Variants in ERBB4 observed in about 807,000 individuals in gnomAD.
ERBB4 encodes erb-b2 receptor tyrosine kinase 4.
In ERBB4, 42 loss-of-function variants were observed where a neutral mutation model predicts 158.0. That is an observed-to-expected ratio of 0.27 (90% confidence interval 0.21 to 0.34). The LOEUF is 0.34. ERBB4 is among the 10% of genes least tolerant of loss of function. The probability of loss-of-function intolerance (pLI) is 1.00; values close to 1 mark genes in which losing one functional copy is unlikely to be tolerated. For synonymous variants in ERBB4, 583 were observed against 558.7 expected (o/e 1.04, Z -0.61); for missense variants, 1,333 against 1,624.1 (o/e 0.82, Z 3.08).
chr2:211,564,273 A>T (rs2067487530), intron 19 of ERBB4, among the ~76,000 whole-genome samples: 1 of 152,158 alleles, frequency 6.6e-6, no homozygotes, highest in Non-Finnish European at 1.5e-5. Context: ...TAGTATTACA[A>T]ACCTCCCTAA....
intron 7 of ERBB4, among the ~76,000 whole-genome samples, chr2:211,721,754 C>A (rs1165220856): frequency 6.6e-6 from 1 of 151,624 alleles, no homozygotes; most frequent in Non-Finnish European, 1.5e-5. Flanking sequence ...TTATTAGAAG[C>A]AGATCCTATT....
At chr2:212,332,457 GC>G (rs2088223584) in intron 1 of ERBB4, among the ~76,000 whole-genome samples, 1 of 151,990 alleles carries the variant, frequency 6.6e-6, no homozygotes, top group Admixed American at 6.6e-5. Flanking sequence ...TCTGAAAAAT[GC>G]CTCTATAAGC....
At chr2:212,149,552 C>T (rs1024283993) in intron 1 of ERBB4, among the ~76,000 whole-genome samples, 21 of 152,024 alleles carry the variant, frequency 1.4e-4, no homozygotes, top group East Asian at 3.9e-4. Context: ...ATAGAAACAG[C>T]GGCACAGTAG....
In ERBB4 at chr2:211,387,968, G is replaced by A. The variant is rs1323888787; in HGVS notation, c.3160C>T (p.Pro1054Ser). 6.2e-7 allele frequency: 1 copy of A among 1,609,366 alleles called. No individual in the cohort carries two copies. The highest frequency in any genetic ancestry group is 8.5e-7 in the Non-Finnish European group (1 of 1,175,788). Residue 1054 changes from proline (P) to serine (S), a missense_variant, in exon 26 of 28, where the codon CCT becomes TCT. By Grantham distance (74) the Pro-to-Ser change is moderately conservative. This residue lies in a region of ERBB4 where 252 missense variants were observed against 241.3 expected (regional missense o/e 1.04). Coordinates refer to ENST00000342788, the MANE Select transcript of ERBB4 (RefSeq NM_005235.3). ...ACTCCTGACATGGGGGTGTAGGCAG[G>A]AGGAGGGCTGTGTCCAATTTCACTC... ...NRSEIGHSPP[P>S]AYTPMSGNQF... is the part of the protein sequence containing the mutation.
intron 2 of ERBB4, among the ~76,000 whole-genome samples, chr2:212,054,824 T>A (rs977029639): frequency 6.6e-6 from 1 of 152,014 alleles, no homozygotes; most frequent in Non-Finnish European, 1.5e-5. Flanking sequence ...TATTTTGGAG[T>A]CCAAGATGGC....
At chr2:212,112,246 C>A (rs959058799) in intron 2 of ERBB4, among the ~76,000 whole-genome samples, 2 of 151,998 alleles carry the variant, frequency 1.3e-5, no homozygotes, top group East Asian at 3.9e-4. Context: ...AATCATCCTC[C>A]TTGGTCTCTG....
chr2:212,308,106 T>C (rs920439365), intron 1 of ERBB4, among the ~76,000 whole-genome samples: 2 of 151,118 alleles, frequency 1.3e-5, no homozygotes, highest in African/African-American at 2.4e-5. Context: ...TGAGCTCAGA[T>C]GAGAGTTGTC....
intron 3 of ERBB4, among the ~76,000 whole-genome samples, chr2:211,862,090 A>T (rs1239110736): frequency 6.6e-6 from 1 of 152,218 alleles, no homozygotes; most frequent in Non-Finnish European, 1.5e-5. Flanking sequence ...ATATTTAAAG[A>T]CACAGATAAA....
At chr2:212,009,050 TTTA>T (rs2076320493) in intron 2 of ERBB4, among the ~76,000 whole-genome samples, 3 of 1,102 alleles carry the variant, frequency 2.7e-3, no homozygotes, top group Non-Finnish European at 0.011. Context: ...AAACAGAAAT[TTTA>T]GTTATATGTT....
intron 7 of ERBB4, among the ~76,000 whole-genome samples, chr2:211,719,238 G>C (rs181894217): frequency 6.6e-6 from 1 of 152,098 alleles, no homozygotes; most frequent in Non-Finnish European, 1.5e-5. Context: ...GATTCAGAGC[G>C]ACTTCTGCAA....
At chr2:211,443,678 G>A (rs1006284792) in intron 20 of ERBB4, among the ~76,000 whole-genome samples, 34 of 152,038 alleles carry the variant, frequency 2.2e-4, no homozygotes, top group Non-Finnish European at 4.7e-4. Flanking sequence ...TCTGGGACAA[G>A]ACTTCCCAAA....
rs183974094 is a variant in ERBB4, at chr2:212,298,349, G to A, written c.83-173446C>T. On this transcript the variant is annotated intron_variant, in intron 1 of 27. Coordinates refer to ENST00000342788, the MANE Select transcript of ERBB4 (RefSeq NM_005235.3). Reference sequence around the variant, plus strand: ...TCTTTCTGTATCATCTAATTCAGAAGATAAAAATTGCATATTTGCTATTTT... The same window carrying A: ...TCTTTCTGTATCATCTAATTCAGAAAATAAAAATTGCATATTTGCTATTTT... 5.7e-4 allele frequency among the ~76,000 whole-genome samples: 87 copies of A among 151,836 alleles called. No individual in the cohort carries two copies. In the East Asian group the frequency reaches 0.01, roughly 18 times the overall value.
At position 211,701,879 on chromosome 2, in the gene ERBB4, C is replaced by T. The variant is rs548049385; in HGVS notation, c.1489+88G>A. 2.7e-3 allele frequency: 2,673 copies of T among 978,832 alleles called. 8 individuals are homozygous for T. The highest frequency in any genetic ancestry group is 3.9e-3 in the Non-Finnish European group (2,394 of 608,894). The allele number at this position is 978,832 out of a possible 1,614,324, so 60.6% of individuals were successfully genotyped here. On this transcript the variant is annotated intron_variant, in intron 12 of 27. Transcript: ENST00000342788. ...TGGGATAACAGAGCAACAATTCTGACCGGATGTTATTTTTAATTGTTTGGT... is the reference window on the plus strand; with the variant it reads ...TGGGATAACAGAGCAACAATTCTGATCGGATGTTATTTTTAATTGTTTGGT...
intron 1 of ERBB4, among the ~76,000 whole-genome samples, chr2:212,133,340 T>A (rs1430989219): frequency 6.6e-6 from 1 of 151,868 alleles, no homozygotes; most frequent in African/African-American, 2.4e-5. Flanking sequence ...GACCACCTTA[T>A]CTAAAATAGA....
intron 2 of ERBB4, among the ~76,000 whole-genome samples, chr2:212,075,289 A>G (rs2078242474): frequency 6.6e-6 from 1 of 151,966 alleles, no homozygotes; most frequent in African/African-American, 2.4e-5. Context: ...GGTATAGGAT[A>G]TTCAGGAATT....
At chr2:212,051,969 T>G (rs1321350724) in intron 2 of ERBB4, among the ~76,000 whole-genome samples, 2 of 152,146 alleles carry the variant, frequency 1.3e-5, no homozygotes, top group Admixed American at 1.3e-4. Context: ...TGATGGTTAA[T>G]ATTGAGTGTC....
At chr2:211,989,129 A>G (rs4672630) in intron 2 of ERBB4, among the ~76,000 whole-genome samples, 98,851 of 151,826 alleles carry the variant, frequency 0.65, 35,774 homozygotes, top group Non-Finnish European at 0.82. Context: ...AACAATTAGA[A>G]GAAGGTAAGA....
chr2:212,463,789 T>G (rs1183309153), intron 1 of ERBB4, among the ~76,000 whole-genome samples: 2 of 152,132 alleles, frequency 1.3e-5, no homozygotes, highest in African/African-American at 4.8e-5. Context: ...AGGTGATTAA[T>G]TGGCCCTGTT....
chr2:212,222,839 G>A (rs1260794248), intron 1 of ERBB4, among the ~76,000 whole-genome samples: 2 of 151,444 alleles, frequency 1.3e-5, no homozygotes, highest in African/African-American at 4.8e-5. Flanking sequence ...GTAATCTCCA[G>A]AAGAGATAGT....
Sources: gnomAD v4.1 joint callset for allele counts (sites outside exome capture counted in the v4.1 genomes callset) on GRCh38, gnomAD v4.1.1 for gene constraint, gnomAD v4.1.1 regional missense constraint, MANE v1.5 for transcripts, NCBI Gene and HGNC (gene_info 2026-07-23, HGNC 2026-07-21) for gene names.